The following FER1L6 variants were observed in gnomAD, a reference collection of about 807,000 sequenced individuals.
FER1L6 encodes fer-1-like protein 6.
FER1L6 carries 177 observed loss-of-function variants against 219.2 expected under a neutral mutation model. That is an observed-to-expected ratio of 0.81 (90% CI 0.71 to 0.91). The LOEUF is 0.91. Among genes scored for constraint, FER1L6 ranks in the 40% least tolerant of loss-of-function variants. FER1L6 has a pLI of 0.00. For synonymous variants in FER1L6, 768 were observed against 824.3 expected (o/e 0.93, Z 1.17); for missense variants, 2,153 against 2,259.9 (o/e 0.95, Z 0.96).
chr8:124,029,546 G>A lies in FER1L6; in HGVS notation c.2287-5731G>A, dbSNP rs1025894223. Among the ~76,000 whole-genome samples the A allele has an allele frequency of 3.3e-5, 5 of 152,092 alleles. No individual in the cohort carries two copies. The East Asian group carries it at 5.8e-4, about 18-fold the overall frequency. On this transcript the variant is annotated intron_variant, in intron 18 of 40. Transcript: ENST00000522917. Reference sequence around the variant, plus strand: ...AGTGATGTTGAGTTTTTTCATGTTTGTTGGCTGTATAAATGTCTTCTTTTG... The same window carrying A: ...AGTGATGTTGAGTTTTTTCATGTTTATTGGCTGTATAAATGTCTTCTTTTG...
At chr8:124,002,870 A>G (rs934401371) in intron 12 of FER1L6, among the ~76,000 whole-genome samples, 40 of 152,138 alleles carry the variant, frequency 2.6e-4, no homozygotes, top group Non-Finnish European at 4.7e-4. Context: ...AAGGTTATAC[A>G]CTATAATGTT....
At chr8:124,046,009 G>A (rs2130760968) in intron 21 of FER1L6, 108 bp downstream of exon 21, 1 of 1,364,700 alleles carries the variant, frequency 7.3e-7, no homozygotes, top group East Asian at 2.3e-5. Context: ...TGAGTGGTGA[G>A]AACACTAGAT....
At chr8:124,036,609 G>A (rs1389886267) in intron 19 of FER1L6, among the ~76,000 whole-genome samples, 1 of 152,090 alleles carries the variant, frequency 6.6e-6, no homozygotes, top group Non-Finnish European at 1.5e-5. Flanking sequence ...CCTTGAGAGA[G>A]TTTTCATCTT....
At chr8:124,074,869 G>A (rs1821214673) in intron 31 of FER1L6, among the ~76,000 whole-genome samples, 4 of 152,050 alleles carry the variant, frequency 2.6e-5, no homozygotes, top group Admixed American at 2.0e-4. Context: ...ACTACTGTAG[G>A]CAATTTTAAC....
intron 16 of FER1L6, 104 bp downstream of exon 16, chr8:124,017,822 A>G (rs1818268258): frequency 2.5e-6 from 2 of 803,916 alleles, no homozygotes; most frequent in East Asian, 2.6e-5. Context: ...AAGGTCATAC[A>G]TTTTTGGGAT....
At chr8:123,934,404 A>AG (rs35186109) in intron 1 of FER1L6, among the ~76,000 whole-genome samples, 70,221 of 151,966 alleles carry the variant, frequency 0.46, 16,454 homozygotes, top group South Asian at 0.53. Flanking sequence ...CAGTTCTCCC[A>AG]GTTTTTGCTT....
chr8:124,049,847 C>G, intron 22 of FER1L6, 91 bp downstream of exon 22: 1 of 1,328,768 alleles, frequency 7.5e-7, no homozygotes, highest in Admixed American at 1.7e-5. Flanking sequence ...GAAGCTGTGC[C>G]TGATCCCTCG....
chr8:123,992,885 T>C (rs565959297), intron 12 of FER1L6, among the ~76,000 whole-genome samples: 2 of 152,360 alleles, frequency 1.3e-5, no homozygotes, highest in East Asian at 1.9e-4. Context: ...CTGAGAAGTT[T>C]TGATAAGTTG....
intron 1 of FER1L6, among the ~76,000 whole-genome samples, chr8:123,858,333 A>T (rs1370585539): frequency 1.3e-5 from 2 of 152,164 alleles, no homozygotes; most frequent in Non-Finnish European, 2.9e-5. Flanking sequence ...ATCTTAGCTA[A>T]AATTTTTAGA....
intron 18 of FER1L6, among the ~76,000 whole-genome samples, chr8:124,028,754 A>T (rs1818825115): frequency 6.6e-6 from 1 of 152,184 alleles, no homozygotes; most frequent in Non-Finnish European, 1.5e-5. Context: ...TGCAGTTGGG[A>T]AACAGCTTTA....
rs1429190680 is a variant in FER1L6, at chr8:124,021,665, A to G, written c.2129A>G (p.Asp710Gly). The change falls in exon 17 of 41, where the codon GAT becomes GGT. Residue 710 changes from aspartate (D) to glycine (G), a missense_variant. Coordinates refer to ENST00000522917, the MANE Select transcript of FER1L6 (RefSeq NM_001039112.2). Reference protein sequence around the residue: ...NFVEKIRFLVDEPQHTIPDVF... With the variant: ...NFVEKIRFLVGEPQHTIPDVF... ...GTGGAAAAAATCCGCTTTCTTGTTG[A>G]TGAGGTAACTGACTCTAAAGGCAAA... 6.2e-7 allele frequency: 1 copy of G among 1,614,008 alleles called. No homozygotes were observed. Among genetic ancestry groups the G allele is most frequent in the African/African-American group, 1.3e-5 (1 of 74,936 alleles).
chr8:124,087,389 T>C (rs1258121492), intron 33 of FER1L6, among the ~76,000 whole-genome samples: 1 of 152,170 alleles, frequency 6.6e-6, no homozygotes, highest in Non-Finnish European at 1.5e-5. Flanking sequence ...AGTATGTCTG[T>C]TGCATTTTTC....
intron 12 of FER1L6, among the ~76,000 whole-genome samples, chr8:123,994,888 CT>C (rs1166197365): frequency 6.6e-6 from 1 of 152,216 alleles, no homozygotes; most frequent in Admixed American, 6.5e-5. Context: ...GTATGCATAA[CT>C]TGTGGTTGCT....
chr8:123,891,043 A>G (rs1370081761), intron 1 of FER1L6, among the ~76,000 whole-genome samples: 1 of 152,104 alleles, frequency 6.6e-6, no homozygotes, highest in African/African-American at 2.4e-5. Flanking sequence ...ATTTCTCTCA[A>G]ACTAATTTAG....
intron 16 of FER1L6, among the ~76,000 whole-genome samples, chr8:124,021,046 T>C (rs2130627818): frequency 6.6e-6 from 1 of 152,208 alleles, no homozygotes; most frequent in African/African-American, 2.4e-5. Flanking sequence ...ACATCTTACA[T>C]GGTGGCAGGC....
rs2130327449 is a variant in FER1L6 at position 123,979,697 on chromosome 8, C to T, written c.1064-768C>T. Among the ~76,000 whole-genome samples the T allele has an allele frequency of 2.0e-5, 3 of 152,334 alleles. No homozygotes were observed. The South Asian group carries it at 6.2e-4, about 32-fold the overall frequency. On this transcript the variant is annotated intron_variant, in intron 10 of 40. Coordinates refer to ENST00000522917, the MANE Select transcript of FER1L6 (RefSeq NM_001039112.2). Reference sequence around the variant, plus strand: ...ATTTACCTATGTCAGTCTCCACTACCTTCACCCTAGTTCAAGACGCTGGTC... The same window carrying T: ...ATTTACCTATGTCAGTCTCCACTACTTTCACCCTAGTTCAAGACGCTGGTC...
At chr8:124,046,945 G>A (rs1204164989) in intron 21 of FER1L6, among the ~76,000 whole-genome samples, 2 of 152,036 alleles carry the variant, frequency 1.3e-5, no homozygotes, top group East Asian at 1.9e-4. Context: ...CCTCCCTCTG[G>A]GCCCCATTCC....
intron 1 of FER1L6, among the ~76,000 whole-genome samples, chr8:123,872,012 A>G (rs1187026253): frequency 5.9e-5 from 9 of 152,204 alleles, no homozygotes; most frequent in Admixed American, 1.3e-4. Context: ...TACAGGAAGT[A>G]TAACACAGGT....
chr8:124,076,642 T>C (rs1020984581), intron 32 of FER1L6, among the ~76,000 whole-genome samples: 1 of 152,190 alleles, frequency 6.6e-6, no homozygotes, highest in Non-Finnish European at 1.5e-5. Flanking sequence ...TAATTACAAT[T>C]TTCTGGATTT....
Sources: gnomAD v4.1 joint callset for allele counts (sites outside exome capture counted in the v4.1 genomes callset) on GRCh38, gnomAD v4.1.1 for gene constraint, MANE v1.5 for transcripts, NCBI Gene and HGNC (gene_info 2026-07-23, HGNC 2026-07-21) for gene names.